CLIP4: variants seen among roughly 807,000 people sequenced by gnomAD.
The protein encoded by CLIP4 is CAP-Gly domain-containing linker protein 4.
Under a neutral mutation model 73.1 loss-of-function variants are expected in CLIP4, and 47 were observed. That is an observed-to-expected ratio of 0.64 (90% CI 0.51 to 0.82). The LOEUF is 0.82. Ranked by LOEUF, CLIP4 falls within the 40% of genes least tolerant of loss-of-function variation. The pLI, the probability that CLIP4 is intolerant of heterozygous loss-of-function variation, is 0.00. For missense variants in CLIP4, 874 were observed against 852.9 expected, an observed-to-expected ratio of 1.02 and a Z score of -0.31; for synonymous variants, 306 against 295.4, an observed-to-expected ratio of 1.04 and a Z score of -0.37.
At chr2:29,167,338 A>T (rs1667687214) in intron 13 of CLIP4, 138 bp from the exon 14 acceptor site, 2 of 474,306 alleles carry the variant, frequency 4.2e-6, no homozygotes, top group African/African-American at 4.0e-5. Flanking sequence ...ATGGAAGTTC[A>T]TTCCTGGCTT....
intron 1 of CLIP4, among the ~76,000 whole-genome samples, chr2:29,107,792 G>A (rs772735683): frequency 6.7e-6 from 1 of 149,432 alleles, no homozygotes; most frequent in Non-Finnish European, 1.5e-5. Context: ...GCTCAAGCGA[G>A]CCTCCTGCCT....
intron 6 of CLIP4, among the ~76,000 whole-genome samples, chr2:29,142,866 A>G (rs1034408138): frequency 1.3e-5 from 2 of 152,252 alleles, no homozygotes; most frequent in African/African-American, 2.4e-5. Context: ...GTAAGATGAC[A>G]GATAATTCAT....
intron 1 of CLIP4, among the ~76,000 whole-genome samples, chr2:29,108,325 C>T (rs117184000): frequency 0.023 from 3,547 of 152,236 alleles, 111 homozygotes; most frequent in East Asian, 0.091. Flanking sequence ...ACTGGATGGC[C>T]TGACAGTCGA....
At chr2:29,173,099 G>C (rs1278349574) in intron 14 of CLIP4, among the ~76,000 whole-genome samples, 1 of 152,062 alleles carries the variant, frequency 6.6e-6, no homozygotes, top group Admixed American at 6.5e-5. Context: ...GTTTTGCTCA[G>C]AATTTTATAT....
intron 1 of CLIP4, among the ~76,000 whole-genome samples, chr2:29,106,816 T>G (rs915027561): frequency 6.6e-6 from 1 of 152,196 alleles, no homozygotes; most frequent in Admixed American, 6.5e-5. Context: ...ATGATCTTGA[T>G]GATAAAGATA....
At chr2:29,143,207 C>T (rs113071758) in intron 6 of CLIP4, among the ~76,000 whole-genome samples, 12,931 of 152,190 alleles carry the variant, frequency 0.085, 600 homozygotes, top group African/African-American at 0.11. Flanking sequence ...GAATGCTCTC[C>T]GTTTAGGACC....
intron 15 of CLIP4, among the ~76,000 whole-genome samples, chr2:29,177,069 TG>T (rs1216764570): frequency 2.0e-5 from 3 of 152,032 alleles, no homozygotes; most frequent in Non-Finnish European, 4.4e-5. Context: ...TCCTCACAGG[TG>T]ATTGCAGTTC....
At position 29,183,224 on chromosome 2, in the gene CLIP4, T is replaced by C. The variant is rs924609693; in HGVS notation, c.*1331T>C. On this transcript the variant is annotated 3_prime_UTR_variant, in exon 16 of 16. Transcript: ENST00000320081. ...CCACAGAAATATTGGAACAGTTTGC[T>C]TTATAAGATTAAAAAGCATCCTTCA... 18 of 152,672 alleles carry C rather than the reference T, an allele frequency of 1.2e-4. No individual in the cohort carries two copies. The highest frequency in any genetic ancestry group is 2.4e-4 in the Non-Finnish European group (16 of 68,028). The allele number at this position is 152,672 out of a possible 1,614,324, so 9.5% of individuals were successfully genotyped here. A position where few individuals can be genotyped will look rare whatever the true frequency, so the allele number is the denominator to read the frequency against.
chr2:29,118,379 T>C (rs1197143759), intron 1 of CLIP4: 1 of 152,226 alleles, frequency 6.6e-6, no homozygotes, highest in African/African-American at 2.4e-5. Context: ...AGCCACGTTA[T>C]GTAAGATGCT....
At chr2:29,158,996 G>T (rs1159655165) in intron 11 of CLIP4, among the ~76,000 whole-genome samples, 1 of 152,190 alleles carries the variant, frequency 6.6e-6, no homozygotes, top group African/African-American at 2.4e-5. Context: ...AAGGGGACGG[G>T]CCTGAGGATT....
intron 6 of CLIP4, among the ~76,000 whole-genome samples, chr2:29,138,273 A>G (rs930654977): frequency 3.3e-5 from 5 of 151,506 alleles, no homozygotes; most frequent in African/African-American, 1.2e-4. Context: ...TCCTTTCCCT[A>G]CTGTTTATTT....
intron 9 of CLIP4, among the ~76,000 whole-genome samples, chr2:29,155,794 CTGCTG>C (rs1230836119): frequency 6.6e-6 from 1 of 152,112 alleles, no homozygotes; most frequent in African/African-American, 2.4e-5. Flanking sequence ...CGTTGCAGCC[CTGCTG>C]TCAGGAGAGT....
At chr2:29,154,345 C>G (rs1376097214) in intron 9 of CLIP4, among the ~76,000 whole-genome samples, 1 of 152,138 alleles carries the variant, frequency 6.6e-6, no homozygotes, top group East Asian at 1.9e-4. Context: ...CTTGCCTTTT[C>G]TTTCCCTTGT....
At chr2:29,140,142 A>T (rs986399258) in intron 6 of CLIP4, among the ~76,000 whole-genome samples, 1 of 151,866 alleles carries the variant, frequency 6.6e-6, no homozygotes, top group African/African-American at 2.4e-5. Context: ...GGTTAGTTAC[A>T]TATGTATACA....
chr2:29,145,325 A>C lies in CLIP4; in HGVS notation c.979A>C (p.Ser327Arg). 1 of 1,613,234 alleles carries C rather than the reference A, an allele frequency of 6.2e-7. No homozygotes were observed. Among genetic ancestry groups the C allele is most frequent in the East Asian group, 2.2e-5 (1 of 44,842 alleles). The change falls in exon 8 of 16, where the codon AGT becomes CGT. Residue 327 changes from serine to arginine, a missense_variant. Transcript: ENST00000320081. ...LDEPEGKNNG[S>R]VGKVQYFKCA... ...TGAACCAGAAGGAAAAAATAATGGA[A>C]GTGTTGGAAAAGTCCAGTACTTTAA...
chr2:29,165,549 G>A (rs531237291), intron 13 of CLIP4, among the ~76,000 whole-genome samples: 2 of 152,156 alleles, frequency 1.3e-5, no homozygotes, highest in Admixed American at 6.5e-5. Context: ...AGGGACCTTC[G>A]TCAGGACATA....
chr2:29,164,718 T>C (rs191497258), intron 13 of CLIP4, among the ~76,000 whole-genome samples: 1 of 152,352 alleles, frequency 6.6e-6, no homozygotes, highest in East Asian at 1.9e-4. Context: ...GAGTCTTGTC[T>C]AGTTTTCCCT....
chr2:29,157,207 C>T lies in CLIP4; in HGVS notation c.1259C>T (p.Ala420Val). ...ACACGTTCTTTATCTGTTACAGTTGCCCTGCTTGGATCTGTCAGCAGCTGC... is the reference window on the plus strand; with the variant it reads ...ACACGTTCTTTATCTGTTACAGTTGTCCTGCTTGGATCTGTCAGCAGCTGC... ...ELKTVTEKDV[A>V]LLGSVSSCSS... is the part of the protein sequence containing the mutation. Residue 420 changes from alanine (A) to valine (V), a missense_variant, in exon 11 of 16, where the codon GCC (alanine) becomes GTC (valine). Ala to Val is a moderately conservative substitution (Grantham distance 64). Transcript: ENST00000320081. The T allele has an allele frequency of 6.2e-7, 1 of 1,613,942 alleles. No homozygotes were observed. Among genetic ancestry groups the T allele is most frequent in the Admixed American group, 1.7e-5 (1 of 60,018 alleles).
intron 15 of CLIP4, among the ~76,000 whole-genome samples, chr2:29,179,334 CCA>C (rs1218981925): frequency 6.6e-6 from 1 of 152,162 alleles, no homozygotes; most frequent in Non-Finnish European, 1.5e-5. Context: ...TACGACAGAG[CCA>C]CATTGTTTTA....
Sources: allele counts gnomAD v4.1 joint callset (sites outside exome capture counted in the v4.1 genomes callset), GRCh38; gene constraint gnomAD v4.1.1; transcripts MANE v1.5; gene names NCBI Gene and HGNC (gene_info 2026-07-23, HGNC 2026-07-21).